Variants in GFPT1 observed in about 807,000 individuals in gnomAD.
GFPT1 encodes glutamine--fructose-6-phosphate aminotransferase [isomerizing] 1.
A neutral mutation model predicts 92.0 loss-of-function variants in GFPT1; 40 were observed. The ratio of observed to expected loss-of-function variants is 0.43; its 90% CI spans 0.34 to 0.57. The LOEUF (loss-of-function observed/expected upper bound fraction) is 0.57. GFPT1 is among the 20% of genes least tolerant of loss of function. GFPT1 has a pLI of 0.02. For synonymous variants in GFPT1, 269 were observed against 280.6 expected, an observed-to-expected ratio of 0.96 and a Z score of 0.41; for missense variants, 448 against 869.1, an observed-to-expected ratio of 0.52 and a Z score of 6.09.
At chr2:69,326,648 A>G (rs968336248) in intron 19 of GFPT1, among the ~76,000 whole-genome samples, 4 of 152,206 alleles carry the variant, frequency 2.6e-5, no homozygotes, top group Non-Finnish European at 4.4e-5. Flanking sequence ...TGCCCTGTTA[A>G]GAGATAGAGG....
At chr2:69,339,105 CAT>C (rs1670873407) in intron 13 of GFPT1, among the ~76,000 whole-genome samples, 1 of 152,156 alleles carries the variant, frequency 6.6e-6, no homozygotes, top group Non-Finnish European at 1.5e-5. Context: ...TATAAGGAAA[CAT>C]ACCCACACAT....
intron 11 of GFPT1, among the ~76,000 whole-genome samples, chr2:69,347,420 AAT>A (rs1218661813): frequency 6.6e-6 from 1 of 151,986 alleles, no homozygotes; most frequent in Non-Finnish European, 1.5e-5. Flanking sequence ...TAATAATTAT[AAT>A]AGTTAACAGA....
Position 69,356,375 on chromosome 2 carries a change from C to G in GFPT1, c.605+121G>C, listed in dbSNP as rs1671337894. 3 of 786,288 alleles carry G rather than the reference C, an allele frequency of 3.8e-6. No homozygotes were observed. In the South Asian group the frequency reaches 4.2e-5, roughly 11 times the overall value. The allele number at this position is 786,288 out of a possible 1,614,324, so 48.7% of individuals were successfully genotyped here. Reference sequence around the variant, plus strand: ...GAAGGAAGATGTGAAAATATGCTCACATGAATATATCTAATAAAGGGCAGA... The same window carrying G: ...GAAGGAAGATGTGAAAATATGCTCAGATGAATATATCTAATAAAGGGCAGA... On this transcript the variant is annotated intron_variant, in intron 7 of 19. Transcript: ENST00000357308.
At chr2:69,380,208 C>T (rs1238948857) in intron 1 of GFPT1, among the ~76,000 whole-genome samples, 1 of 151,912 alleles carries the variant, frequency 6.6e-6, no homozygotes, top group Non-Finnish European at 1.5e-5. Context: ...GGCATGGTGA[C>T]GCGTGCCTGT....
rs1284585018 is a variant in GFPT1 at position 69,324,257 on chromosome 2, G to C, written c.*1932C>G. The C allele has an allele frequency of 1.2e-4, 18 of 152,202 alleles. No homozygotes were observed. The highest frequency in any genetic ancestry group is 1.1e-3 in the Admixed American group (17 of 15,278). 9.4% of individuals were successfully genotyped at this position (152,202 alleles called of 1,614,324 possible). A position where few individuals can be genotyped will look rare whatever the true frequency, so the allele number is the denominator to read the frequency against. On this transcript the variant is annotated 3_prime_UTR_variant, in exon 20 of 20. Coordinates refer to ENST00000357308, the MANE Select transcript of GFPT1 (RefSeq NM_001244710.2). ...AGAAAGACACACACAGAGGGAGACAGAGATTATGCAGACTAATGACTGACT... is the reference window on the plus strand; with the variant it reads ...AGAAAGACACACACAGAGGGAGACACAGATTATGCAGACTAATGACTGACT...
In GFPT1 at chr2:69,324,336, T is replaced by C. The variant is rs535884271; in HGVS notation, c.*1853A>G. 4 of 152,224 alleles carry C rather than the reference T, an allele frequency of 2.6e-5. No individual in the cohort carries two copies. The highest frequency in any genetic ancestry group is 3.9e-4 in the East Asian group (2 of 5,180). The allele number at this position is 152,224 out of a possible 1,614,324, so 9.4% of individuals were successfully genotyped here. A position where few individuals can be genotyped will look rare whatever the true frequency, so the allele number is the denominator to read the frequency against. ...GAATCATACTTTAAACTATAAGAAATGCTACAAACCCACACAAATTGTGTT... is the reference window on the plus strand; with the variant it reads ...GAATCATACTTTAAACTATAAGAAACGCTACAAACCCACACAAATTGTGTT... On this transcript the variant is annotated 3_prime_UTR_variant, in exon 20 of 20. Coordinates refer to ENST00000357308, the MANE Select transcript of GFPT1 (RefSeq NM_001244710.2).
intron 1 of GFPT1, among the ~76,000 whole-genome samples, chr2:69,385,527 G>GATTT (rs932084929): frequency 1.9e-5 from 2 of 105,690 alleles, no homozygotes; most frequent in Non-Finnish European, 3.8e-5. Context: ...GCCCAGCGCT[G>GATTT]ATTTATTTAT....
chr2:69,330,876 C>G (rs1387365705), intron 15 of GFPT1, among the ~76,000 whole-genome samples: 1 of 152,074 alleles, frequency 6.6e-6, no homozygotes, highest in Non-Finnish European at 1.5e-5. Context: ...CTCAGATACC[C>G]CATCTGTTAA....
Position 69,320,259 on chromosome 2 carries a change from A to ACCAAGGAGT in GFPT1, c.*5929_*5930insACTCCTTGG, listed in dbSNP as rs2104584201. The ACCAAGGAGT allele has an allele frequency of 6.6e-6, 1 of 152,324 alleles. No individual in the cohort carries two copies. The highest frequency in any genetic ancestry group is 2.1e-4 in the South Asian group (1 of 4,828). 9.4% of individuals were successfully genotyped at this position (152,324 alleles called of 1,614,324 possible). A position where few individuals can be genotyped will look rare whatever the true frequency, so the allele number is the denominator to read the frequency against. On this transcript the variant is annotated 3_prime_UTR_variant, in exon 20 of 20. Coordinates refer to ENST00000357308, the MANE Select transcript of GFPT1 (RefSeq NM_001244710.2). ...AACCTTTGGGTCTCACAGATTAAGA[A>ACCAAGGAGT]TGTACTAGTTAAGAACCAAGGAGTT...
chr2:69,351,928 T>C (rs980422774), intron 9 of GFPT1, among the ~76,000 whole-genome samples: 1 of 152,150 alleles, frequency 6.6e-6, no homozygotes, highest in African/African-American at 2.4e-5. Context: ...TCTGACAAAA[T>C]TGGTGAAACT....
Position 69,371,665 on chromosome 2 carries a change from G to A in GFPT1, c.116-1557C>T, listed in dbSNP as rs370412496. On this transcript the variant is annotated intron_variant, in intron 2 of 19. Coordinates refer to ENST00000357308, the MANE Select transcript of GFPT1 (RefSeq NM_001244710.2). Reference sequence around the variant, plus strand: ...ATCCTGGCTAACATGGTGAAACCCCGTCTCTACTAAAAATACAAAAAATTA... The same window carrying A: ...ATCCTGGCTAACATGGTGAAACCCCATCTCTACTAAAAATACAAAAAATTA... Among the ~76,000 whole-genome samples the A allele has an allele frequency of 3.8e-4, 57 of 149,552 alleles. No individual in the cohort carries two copies. The East Asian group carries it at 6.8e-3, about 18-fold the overall frequency.
chr2:69,340,287 G>A (rs77097764), intron 13 of GFPT1, among the ~76,000 whole-genome samples: 1,783 of 151,766 alleles, frequency 0.012, 33 homozygotes, highest in African/African-American at 0.041. Flanking sequence ...CCCAGCTTCC[G>A]AGGAGCTGGA....
intron 1 of GFPT1, 152 bp from the exon 2 acceptor site, chr2:69,374,265 T>G (rs893392245): frequency 1.9e-6 from 1 of 522,940 alleles, no homozygotes. Flanking sequence ...CAAGGGGGAG[T>G]TTCTCATAAG....
chr2:69,354,844 C>T (rs1399461020), intron 7 of GFPT1, among the ~76,000 whole-genome samples: 1 of 152,086 alleles, frequency 6.6e-6, no homozygotes, highest in Non-Finnish European at 1.5e-5. Context: ...TGGCAAAACC[C>T]CGTCTCCTAA....
intron 1 of GFPT1, 51 bp from the exon 2 acceptor site, chr2:69,374,164 T>C (rs1000964801): frequency 1.2e-5 from 11 of 880,552 alleles, no homozygotes; most frequent in Non-Finnish European, 1.9e-5. Context: ...AAAATCAAAA[T>C]TAGCATAATT....
intron 1 of GFPT1, among the ~76,000 whole-genome samples, chr2:69,379,640 T>C (rs1284507795): frequency 6.6e-6 from 1 of 151,572 alleles, no homozygotes; most frequent in African/African-American, 2.4e-5. Context: ...TGGACTCAAG[T>C]GATCCCCTCA....
Position 69,354,297 on chromosome 2 carries a change from C to G in GFPT1, c.701G>C (p.Gly234Ala). 3 of 1,591,798 alleles carry G rather than the reference C, an allele frequency of 1.9e-6. No homozygotes were observed. Among genetic ancestry groups the G allele is most frequent in the Non-Finnish European group, 2.6e-6 (3 of 1,175,658 alleles). The change falls in exon 9 of 20, where the codon GGA (glycine) becomes GCA (alanine). Residue 234 changes from glycine to alanine, a missense_variant. Gly to Ala is a moderately conservative substitution (Grantham distance 60, BLOSUM62 0). Transcript: ENST00000357308. ...ILYRTARTQI[G>A]SKFTRWGSQG... ...TGATCCCCACCGTGTGAATTTTGAT[C>G]CAATCTGAGTCCTAGCTAAGGATAC...
At chr2:69,331,389 CAA>C (rs2104603884) in intron 15 of GFPT1, among the ~76,000 whole-genome samples, 1 of 152,250 alleles carries the variant, frequency 6.6e-6, no homozygotes, top group African/African-American at 2.4e-5. Flanking sequence ...AAAAATTAGA[CAA>C]ATGCTACATT....
At chr2:69,364,926 T>C (rs1016009728) in intron 3 of GFPT1, among the ~76,000 whole-genome samples, 7 of 125,824 alleles carry the variant, frequency 5.6e-5, no homozygotes, top group African/African-American at 2.2e-4. Context: ...ACCCAGGAGG[T>C]AGAGGTTACA....
Sources: gnomAD v4.1 joint callset for allele counts (sites outside exome capture counted in the v4.1 genomes callset) on GRCh38, gnomAD v4.1.1 for gene constraint, MANE v1.5 for transcripts, NCBI Gene and HGNC (gene_info 2026-07-23, HGNC 2026-07-21) for gene names.